Variants in CHD1 observed in about 807,000 individuals in gnomAD.
CHD1 encodes the protein chromodomain helicase DNA binding protein 1.
A neutral mutation model predicts 224.2 loss-of-function variants in CHD1; 36 were observed. That is an observed-to-expected ratio of 0.16 (90% CI 0.12 to 0.21). The LOEUF is 0.21. Among genes scored for constraint, CHD1 ranks in the 10% least tolerant of loss-of-function variants. CHD1 has a pLI of 1.00. For missense variants in CHD1, 1,378 were observed against 1,994.8 expected, an observed-to-expected ratio of 0.69 and a Z score of 5.89; for synonymous variants, 668 against 658.3, an observed-to-expected ratio of 1.01 and a Z score of -0.23.
chr5:98,876,984 C>T (rs1218721433), intron 23 of CHD1, among the ~76,000 whole-genome samples: 19 of 152,198 alleles, frequency 1.2e-4, no homozygotes, highest in Non-Finnish European at 1.5e-5. Context: ...GCTTAGGCAA[C>T]ATAGTGAGAC....
intron 4 of CHD1, 119 bp downstream of exon 4, chr5:98,903,673 A>G: frequency 2.5e-6 from 2 of 803,336 alleles, no homozygotes; most frequent in Non-Finnish European, 4.4e-6. Flanking sequence ...ATATACACTT[A>G]AAGTATTTCC....
chr5:98,910,564 G>C (rs917804925), intron 2 of CHD1, among the ~76,000 whole-genome samples: 1 of 152,018 alleles, frequency 6.6e-6, no homozygotes, highest in African/African-American at 2.4e-5. Context: ...TTCCATTCTT[G>C]ACTCCTCTAC....
At chr5:98,892,061 G>T (rs992869643) in intron 15 of CHD1, among the ~76,000 whole-genome samples, 3 of 152,136 alleles carry the variant, frequency 2.0e-5, no homozygotes, top group African/African-American at 4.8e-5. Context: ...TATTAGAACA[G>T]ATTTTCCTTT....
At chr5:98,928,281 G>A (rs1370629159) in intron 1 of CHD1, among the ~76,000 whole-genome samples, 2 of 152,030 alleles carry the variant, frequency 1.3e-5, no homozygotes, top group Non-Finnish European at 2.9e-5. Context: ...CTCGCGGCCC[G>A]GTCGGCACCA....
intron 2 of CHD1, among the ~76,000 whole-genome samples, chr5:98,906,781 G>T (rs1353266420): frequency 2.0e-5 from 3 of 152,196 alleles, no homozygotes; most frequent in African/African-American, 7.2e-5. Context: ...TGAGGAATGT[G>T]AGTTCTATTA....
At chr5:98,914,851 A>G (rs544750764) in intron 2 of CHD1, among the ~76,000 whole-genome samples, 2 of 151,504 alleles carry the variant, frequency 1.3e-5, no homozygotes, top group African/African-American at 4.9e-5. Flanking sequence ...GTTACTAATA[A>G]TTCCTTCACA....
At chr5:98,871,709 A>G (rs566126846) in intron 28 of CHD1, among the ~76,000 whole-genome samples, 3 of 152,312 alleles carry the variant, frequency 2.0e-5, no homozygotes, top group Admixed American at 1.3e-4. Context: ...TATATATTAT[A>G]TGATTGTATC....
chr5:98,868,721 G>T, intron 30 of CHD1, 86 bp from the exon 31 acceptor site: 2 of 1,255,144 alleles, frequency 1.6e-6, no homozygotes, highest in South Asian at 1.6e-5. Flanking sequence ...AATAATTACT[G>T]TCTCATTTTA....
chr5:98,910,222 G>C (rs1301112157), intron 2 of CHD1, among the ~76,000 whole-genome samples: 2 of 152,046 alleles, frequency 1.3e-5, no homozygotes, highest in East Asian at 3.9e-4. Context: ...GTCATCACTC[G>C]GGTTGAGTTG....
intron 24 of CHD1, 44 bp downstream of exon 24, chr5:98,876,353 AC>A (rs1442892780): frequency 6.4e-7 from 1 of 1,553,294 alleles, no homozygotes; most frequent in Non-Finnish European, 8.8e-7. Flanking sequence ...TTAGTTTCAC[AC>A]TCTACTAAAA....
rs1454289120 is a variant in CHD1, at chr5:98,898,747, G to A, written c.1103C>T (p.Pro368Leu). ...GCAATTATAATATTCCACATCTTCTGGAGAGGCATTTTTCAACCTGAAAAA... is the reference window on the plus strand; with the variant it reads ...GCAATTATAATATTCCACATCTTCTAGAGAGGCATTTTTCAACCTGAAAAA... The part of the protein sequence containing the change: ...ETKRWLKNAS[P>L]EDVEYYNCQQ... Residue 368 changes from proline to leucine, a missense_variant, in exon 9 of 36, where the codon CCA (proline) becomes CTA (leucine). This residue lies in a region of CHD1 where 1 missense variants were observed against 21.7 expected (regional missense o/e 0.05). Transcript: ENST00000614616. 3 of 1,590,720 alleles carry A rather than the reference G, an allele frequency of 1.9e-6. No homozygotes were observed. Among genetic ancestry groups the A allele is most frequent in the Non-Finnish European group, 2.6e-6 (3 of 1,161,368 alleles).
Position 98,856,604 on chromosome 5 carries a change from G to A in CHD1, c.4909C>T (p.His1637Tyr), listed in dbSNP as rs1748051772. The A allele has an allele frequency of 2.5e-6, 4 of 1,613,640 alleles. No homozygotes were observed. The highest frequency in any genetic ancestry group is 3.4e-6 in the Non-Finnish European group (4 of 1,179,700). ...SHSDHRSHSDHRLHSDHRSSS... is the reference protein window; with the variant it reads ...SHSDHRSHSDYRLHSDHRSSS... ...GACCGGTGGTCTGAATGTAACCGAT[G>A]ATCTGAGTGAGAACGATGATCAGAA... Residue 1637 changes from histidine to tyrosine, a missense_variant, in exon 36 of 36, where the codon CAT (histidine) becomes TAT (tyrosine). Physicochemically the swap from His to Tyr is moderately conservative, Grantham distance 83 (BLOSUM62 2). Coordinates refer to ENST00000614616, the MANE Select transcript of CHD1 (RefSeq NM_001270.4).
At position 98,889,187 on chromosome 5, in the gene CHD1, A is replaced by C; in HGVS notation, c.2232T>G (p.Ser744Arg). 6.2e-7 allele frequency: 1 copy of C among 1,610,894 alleles called. No homozygotes were observed. The highest frequency in any genetic ancestry group is 8.5e-7 in the Non-Finnish European group (1 of 1,177,896). ...YKALSKGSKGSTSGFLNIMME... is the reference protein window; with the variant it reads ...YKALSKGSKGRTSGFLNIMME... ...TCATAATGTTCAAAAAGCCTGAGGTACTGCCCTTGGAACCTTTGCTGAGGG... is the reference window on the plus strand; with the variant it reads ...TCATAATGTTCAAAAAGCCTGAGGTCCTGCCCTTGGAACCTTTGCTGAGGG... Residue 744 changes from serine (S) to arginine (R), a missense_variant, in exon 16 of 36, where the codon AGT becomes AGG. Physicochemically the swap from Ser to Arg is moderately radical, Grantham distance 110 (BLOSUM62 -1). Transcript: ENST00000614616.
intron 1 of CHD1, among the ~76,000 whole-genome samples, chr5:98,926,922 G>C (rs1345609478): frequency 8.5e-6 from 1 of 117,832 alleles, no homozygotes; most frequent in African/African-American, 3.3e-5. Context: ...ATGAAGTGGG[G>C]GGGGGGGTGG....
At chr5:98,919,028 T>C (rs1285938195) in intron 2 of CHD1, among the ~76,000 whole-genome samples, 1 of 152,210 alleles carries the variant, frequency 6.6e-6, no homozygotes, top group Non-Finnish European at 1.5e-5. Flanking sequence ...CCCTAGATTA[T>C]AATAATCTTT....
At chr5:98,907,317 G>A (rs148186385) in intron 2 of CHD1, among the ~76,000 whole-genome samples, 5 of 152,232 alleles carry the variant, frequency 3.3e-5, no homozygotes, top group East Asian at 1.9e-4. Context: ...AGCTGGGAGC[G>A]GTGGCTCATG....
intron 31 of CHD1, 137 bp from the exon 32 acceptor site, chr5:98,863,723 C>T (rs1748647588): frequency 1.8e-6 from 1 of 556,954 alleles, no homozygotes; most frequent in Non-Finnish European, 3.0e-6. Context: ...TTAAATCTCA[C>T]TTCACAAATC....
At chr5:98,873,797 T>TTAATTAA in intron 25 of CHD1, 74 bp from the exon 26 acceptor site, 1 of 1,369,686 alleles carries the variant, frequency 7.3e-7, no homozygotes. Flanking sequence ...AGTTTCACTC[T>TTAATTAA]ATTTCAAGAT....
chr5:98,876,382 T>C lies in CHD1; in HGVS notation c.3398+16A>G, dbSNP rs1225311937. ...TACTAAAACCAAGTTGAAGCGATTG[T>C]CTTATAACACCTTACCGCCTAATTT... On this transcript the variant is annotated intron_variant, in intron 24 of 35. Transcript: ENST00000614616. 6.2e-7 allele frequency: 1 copy of C among 1,611,718 alleles called. No homozygotes were observed. Among genetic ancestry groups the C allele is most frequent in the East Asian group, 2.2e-5 (1 of 44,836 alleles).
Sources: gnomAD v4.1 joint callset for allele counts (sites outside exome capture counted in the v4.1 genomes callset) on GRCh38, gnomAD v4.1.1 for gene constraint, gnomAD v4.1.1 regional missense constraint, MANE v1.5 for transcripts, NCBI Gene and HGNC (gene_info 2026-07-23, HGNC 2026-07-21) for gene names.